Variants in CNIH3 observed in about 807,000 individuals in gnomAD.
CNIH3 encodes protein cornichon homolog 3.
In CNIH3, 14 loss-of-function variants were observed where a neutral mutation model predicts 24.1. That is an observed-to-expected ratio of 0.58 (90% CI 0.38 to 0.91). The LOEUF (loss-of-function observed/expected upper bound fraction) is 0.91. CNIH3 is among the 40% of genes least tolerant of loss of function. CNIH3 has a pLI of 0.00. For missense variants in CNIH3, 178 were observed against 196.8 expected (o/e 0.90, Z 0.57); for synonymous variants, 68 against 73.8 (o/e 0.92, Z 0.40).
chr1:224,475,900 C>T (rs1676569499), intron 1 of CNIH3, among the ~76,000 whole-genome samples: 2 of 152,090 alleles, frequency 1.3e-5, no homozygotes, highest in Non-Finnish European at 2.9e-5. Context: ...TTCATCATTA[C>T]CAAGTGGGGT....
intron 2 of CNIH3, among the ~76,000 whole-genome samples, chr1:224,535,817 A>G (rs879835322): frequency 5.3e-5 from 8 of 152,210 alleles, no homozygotes; most frequent in Admixed American, 5.2e-4. Context: ...GCAAGGGCCT[A>G]TTCCCAGAGC....
intron 3 of CNIH3, among the ~76,000 whole-genome samples, chr1:224,560,966 T>C (rs1355938535): frequency 6.6e-6 from 1 of 152,134 alleles, no homozygotes; most frequent in South Asian, 2.1e-4. Flanking sequence ...TCAATTTGCA[T>C]TTCCCTCGTG....
At chr1:224,708,200 C>T (rs1051894209) in intron 3 of CNIH3, among the ~76,000 whole-genome samples, 1 of 151,994 alleles carries the variant, frequency 6.6e-6, no homozygotes. Context: ...ACTTCCTGTC[C>T]TCACCTCTCC....
intron 1 of CNIH3, among the ~76,000 whole-genome samples, chr1:224,651,564 C>T (rs192725): frequency 0.049 from 7,441 of 152,286 alleles, 495 homozygotes; most frequent in African/African-American, 0.15. Flanking sequence ...TGTCATCTTA[C>T]ATAAACACTA....
At chr1:224,631,017 GGCGTGGTGGT>G (rs1683793281) in intron 1 of CNIH3, among the ~76,000 whole-genome samples, 1 of 152,008 alleles carries the variant, frequency 6.6e-6, no homozygotes, top group Non-Finnish European at 1.5e-5. Context: ...AAATTAGCCG[GGCGTGGTGGT>G]GCGTGCCTGT....
chr1:224,669,077 TCTC>T (rs1034135109), intron 1 of CNIH3, among the ~76,000 whole-genome samples: 2 of 152,216 alleles, frequency 1.3e-5, no homozygotes, highest in African/African-American at 4.8e-5. Context: ...CTCATTCCCT[TCTC>T]CTCTCTGGAT....
At chr1:224,500,110 C>A (rs965940568) in intron 1 of CNIH3, among the ~76,000 whole-genome samples, 1 of 151,518 alleles carries the variant, frequency 6.6e-6, no homozygotes, top group African/African-American at 2.4e-5. Context: ...CTCAAGTGAT[C>A]CTCCCACCTC....
chr1:224,455,143 A>T (rs1025573760), intron 1 of CNIH3, among the ~76,000 whole-genome samples: 3 of 152,246 alleles, frequency 2.0e-5, no homozygotes, highest in Admixed American at 2.0e-4. Context: ...AGCCTATTAT[A>T]TAATAATGTC....
chr1:224,505,959 A>T (rs1433674969), intron 1 of CNIH3, among the ~76,000 whole-genome samples: 1 of 152,206 alleles, frequency 6.6e-6, no homozygotes, highest in South Asian at 2.1e-4. Context: ...TTTCTCTTGA[A>T]ATGATTGGCT....
At chr1:224,685,528 G>A (rs921362189) in intron 3 of CNIH3, among the ~76,000 whole-genome samples, 7 of 152,176 alleles carry the variant, frequency 4.6e-5, no homozygotes, top group African/African-American at 9.7e-5. Flanking sequence ...TATGGAGAAC[G>A]GCAACTTGCC....
intron 1 of CNIH3, among the ~76,000 whole-genome samples, chr1:224,494,610 G>A (rs1439787187): frequency 2.0e-5 from 3 of 152,108 alleles, no homozygotes; most frequent in Admixed American, 2.0e-4. Flanking sequence ...ACTAAATACT[G>A]GTTTCTGTAG....
intron 1 of CNIH3, among the ~76,000 whole-genome samples, chr1:224,628,013 C>T (rs561914187): frequency 6.6e-6 from 1 of 152,290 alleles, no homozygotes; most frequent in Admixed American, 6.5e-5. Flanking sequence ...TTACCTCTGC[C>T]TCTGGAATGT....
chr1:224,444,052 C>T (rs1288719157), intron 1 of CNIH3, among the ~76,000 whole-genome samples: 2 of 152,132 alleles, frequency 1.3e-5, no homozygotes, highest in Admixed American at 6.5e-5. Context: ...ATTCCCATGT[C>T]CCCACCATCC....
rs1682978558 is a variant in CNIH3 at position 224,616,342 on chromosome 1, C to T, written c.-833C>T. ...GCAGTGGCAAAGGCGGCGGCGGCGG[C>T]GGCGGCAGCGGCAGCAGCAGGTGGA... is the stretch of plus-strand genomic sequence containing the variant. On this transcript the variant is annotated 5_prime_UTR_variant, in exon 1 of 6. Transcript: ENST00000272133. 4.1e-6 allele frequency: 2 copies of T among 487,832 alleles called. No homozygotes were observed. The highest frequency in any genetic ancestry group is 3.9e-5 in the South Asian group (1 of 25,598). The allele number at this position is 487,832 out of a possible 1,614,324, so 30.2% of individuals were successfully genotyped here. A position where few individuals can be genotyped will look rare whatever the true frequency, so the allele number is the denominator to read the frequency against.
At chr1:224,516,834 G>A (rs945074360) in intron 1 of CNIH3, among the ~76,000 whole-genome samples, 1 of 151,756 alleles carries the variant, frequency 6.6e-6, no homozygotes, top group African/African-American at 2.4e-5. Context: ...CTGTCTCTAC[G>A]CAGTGCTAAG....
At chr1:224,675,701 G>A (rs777757838) in intron 1 of CNIH3, among the ~76,000 whole-genome samples, 1 of 152,194 alleles carries the variant, frequency 6.6e-6, no homozygotes, top group Non-Finnish European at 1.5e-5. Context: ...ATGTACAGAT[G>A]ACAGCTAAGC....
At chr1:224,577,393 G>A (rs531992814) in intron 4 of CNIH3, among the ~76,000 whole-genome samples, 41 of 152,094 alleles carry the variant, frequency 2.7e-4, no homozygotes, top group African/African-American at 8.9e-4. Flanking sequence ...CAAAAAGTGG[G>A]CAAAGAACAT....
At chr1:224,633,004 C>A (rs1031792006) in intron 1 of CNIH3, among the ~76,000 whole-genome samples, 2 of 152,132 alleles carry the variant, frequency 1.3e-5, no homozygotes, top group African/African-American at 4.8e-5. Context: ...AACAAAGTGA[C>A]ATCTAAGATC....
chr1:224,653,648 C>T (rs1347399186), intron 1 of CNIH3, among the ~76,000 whole-genome samples: 2 of 152,190 alleles, frequency 1.3e-5, no homozygotes, highest in Non-Finnish European at 2.9e-5. Flanking sequence ...TTAGTATTCA[C>T]TCTGTGAACT....
Sources: gnomAD v4.1 joint callset for allele counts (sites outside exome capture counted in the v4.1 genomes callset) on GRCh38, gnomAD v4.1.1 for gene constraint, MANE v1.5 for transcripts, NCBI Gene and HGNC (gene_info 2026-07-23, HGNC 2026-07-21) for gene names.